The following TTLL5 variants were observed in gnomAD, a reference collection of about 807,000 sequenced individuals.
TTLL5 encodes the protein tubulin polyglutamylase TTLL5.
A neutral mutation model predicts 168.4 loss-of-function variants in TTLL5; 132 were observed. The observed-to-expected ratio is 0.78, with a 90% CI of 0.68 to 0.91. TTLL5 has a LOEUF of 0.91. TTLL5 is among the 40% of genes least tolerant of loss of function. TTLL5 has a pLI of 0.00. For synonymous variants in TTLL5, 546 were observed against 558.6 expected (o/e 0.98, Z 0.32); for missense variants, 1,545 against 1,581.5 (o/e 0.98, Z 0.39).
In TTLL5 at chr14:75,914,017, GAAA is replaced by G. The variant is rs1201862659; in HGVS notation, c.3823+11808_3823+11810del. On this transcript the variant is annotated intron_variant, in intron 31 of 31. Transcript: ENST00000298832. Reference sequence around the variant, plus strand: ...GCGACAGAGGAAGACTGTTTAAAAGGAAAAAAAAAAAAAAAAATATATATATAT... The same window carrying G: ...GCGACAGAGGAAGACTGTTTAAAAGGAAAAAAAAAAAAAATATATATATAT... Among the ~76,000 whole-genome samples the G allele has an allele frequency of 2.0e-3, 61 of 31,064 alleles. 3 individuals carry two copies. The highest frequency in any genetic ancestry group is 7.5e-3 in the African/African-American group (32 of 4,270). The allele number at this position is 31,064 out of a possible 152,430, so 20.4% of individuals were successfully genotyped here.
intron 9 of TTLL5, chr14:75,709,056 A>C: frequency 3.1e-6 from 2 of 647,000 alleles, no homozygotes; most frequent in Non-Finnish European, 5.6e-6. Flanking sequence ...GGCTGTATGC[A>C]GCCTGTGGGC....
chr14:75,819,590 C>G (rs983017301), intron 27 of TTLL5, among the ~76,000 whole-genome samples: 1 of 152,048 alleles, frequency 6.6e-6, no homozygotes, highest in African/African-American at 2.4e-5. Context: ...TCAGTGGATT[C>G]TTTGTGTATT....
chr14:75,812,554 A>G (rs1894114929), intron 27 of TTLL5, among the ~76,000 whole-genome samples: 1 of 152,216 alleles, frequency 6.6e-6, no homozygotes, highest in African/African-American at 2.4e-5. Flanking sequence ...ACTCTTTTTA[A>G]TGTTTGAGCA....
At chr14:75,938,430 C>G (rs1186355029) in intron 31 of TTLL5, among the ~76,000 whole-genome samples, 1 of 152,192 alleles carries the variant, frequency 6.6e-6, no homozygotes, top group Admixed American at 6.5e-5. Flanking sequence ...TTCAGAAACT[C>G]GGAGTCCCAG....
At chr14:75,788,271 A>G (rs1391765380) in intron 26 of TTLL5, among the ~76,000 whole-genome samples, 1 of 152,166 alleles carries the variant, frequency 6.6e-6, no homozygotes, top group Non-Finnish European at 1.5e-5. Context: ...AAATATAAAG[A>G]TAAGAGCAAT....
intron 18 of TTLL5, among the ~76,000 whole-genome samples, chr14:75,753,185 C>G (rs757186391): frequency 7.9e-5 from 12 of 152,118 alleles, no homozygotes; most frequent in Non-Finnish European, 1.3e-4. Context: ...GATCTTTGAG[C>G]AATTTTAACA....
chr14:75,735,207 A>C lies in TTLL5; in HGVS notation c.1199A>C (p.Gln400Pro). The C allele has an allele frequency of 6.2e-7, 1 of 1,614,204 alleles. No individual in the cohort carries two copies. The highest frequency in any genetic ancestry group is 8.5e-7 in the Non-Finnish European group (1 of 1,179,984). The change falls in exon 15 of 32, where the codon CAA becomes CCA. Residue 400 changes from glutamine (Q) to proline (P), a missense_variant. Gln to Pro is a moderately conservative substitution (Grantham distance 76). Coordinates refer to ENST00000298832, the MANE Select transcript of TTLL5 (RefSeq NM_015072.5). ...DMFTVVGFVC[Q>P]DPAQRASTRP... ...ATTCCCCATTCAGGATTTGTGTGCC[A>C]AGATCCTGCCCAGCGGGCATCAACT...
rs997954181 is a variant in TTLL5, at chr14:75,752,021, G to A, written c.1488-872G>A. On this transcript the variant is annotated intron_variant, in intron 17 of 31. Transcript: ENST00000298832. ...TAGGGTAACTTCTTGACATTGCCAT[G>A]GCATTTGTAAACTGTCGTGGTGCTG... Among the ~76,000 whole-genome samples, 3 of 152,272 alleles carry A rather than the reference G, an allele frequency of 2.0e-5. No homozygotes were observed. In the East Asian group the frequency reaches 5.8e-4, roughly 29 times the overall value.
chr14:75,689,154 T>C (rs1356338932), intron 5 of TTLL5, among the ~76,000 whole-genome samples: 1 of 152,188 alleles, frequency 6.6e-6, no homozygotes, highest in African/African-American at 2.4e-5. Flanking sequence ...CTTGGCCTTA[T>C]GAAAAAGTTC....
At chr14:75,664,191 T>C (rs1007485130) in intron 2 of TTLL5, among the ~76,000 whole-genome samples, 3 of 152,216 alleles carry the variant, frequency 2.0e-5, no homozygotes, top group African/African-American at 7.2e-5. Context: ...GGTGTTATTA[T>C]TTTCACTTTT....
chr14:75,712,592 ACT>A (rs1436042537), intron 9 of TTLL5: 1 of 151,488 alleles, frequency 6.6e-6, no homozygotes, highest in African/African-American at 2.4e-5. Flanking sequence ...GATCCCACTA[ACT>A]CTCTGCTTTC....
At chr14:75,947,205 A>G (rs908572359) in intron 31 of TTLL5, among the ~76,000 whole-genome samples, 4 of 152,210 alleles carry the variant, frequency 2.6e-5, no homozygotes, top group African/African-American at 9.6e-5. Context: ...AAATAGTTAT[A>G]TTGTCAGCCT....
intron 18 of TTLL5, among the ~76,000 whole-genome samples, chr14:75,762,173 A>T (rs1330071014): frequency 3.9e-5 from 6 of 152,064 alleles, no homozygotes; most frequent in Admixed American, 3.9e-4. Context: ...AGGCGGGTGG[A>T]TCACGAGGTC....
intron 31 of TTLL5, among the ~76,000 whole-genome samples, chr14:75,917,271 G>A (rs1231921859): frequency 3.3e-5 from 5 of 152,262 alleles, no homozygotes; most frequent in East Asian, 1.9e-4. Flanking sequence ...TTGTTTTCTC[G>A]ATTTTGCATT....
intron 28 of TTLL5, among the ~76,000 whole-genome samples, chr14:75,858,180 G>A (rs993182969): frequency 6.6e-6 from 1 of 152,158 alleles, no homozygotes; most frequent in Non-Finnish European, 1.5e-5. Flanking sequence ...TTTCATAGTG[G>A]TACTGAGACA....
intron 9 of TTLL5, chr14:75,709,194 G>C (rs1886871622): frequency 2.6e-6 from 2 of 762,004 alleles, no homozygotes. Context: ...GCAATTGGAA[G>C]ATGGGAAATA....
At chr14:75,884,208 C>T (rs1399951226) in intron 30 of TTLL5, among the ~76,000 whole-genome samples, 1 of 152,206 alleles carries the variant, frequency 6.6e-6, no homozygotes, top group East Asian at 1.9e-4. Context: ...ACCACACTCT[C>T]CTTCACAGAT....
chr14:75,764,315 G>C (rs1321241402), intron 18 of TTLL5, among the ~76,000 whole-genome samples: 1 of 152,196 alleles, frequency 6.6e-6, no homozygotes, highest in Non-Finnish European at 1.5e-5. Context: ...TAAGGTATAA[G>C]GTGTTGGGTG....
At chr14:75,669,064 G>A (rs1026982020) in intron 2 of TTLL5, among the ~76,000 whole-genome samples, 4 of 152,164 alleles carry the variant, frequency 2.6e-5, no homozygotes, top group African/African-American at 9.7e-5. Context: ...GCTATCATCT[G>A]TAGCCATTAT....
Sources: allele counts gnomAD v4.1 joint callset (sites outside exome capture counted in the v4.1 genomes callset), GRCh38; gene constraint gnomAD v4.1.1; transcripts MANE v1.5; gene names NCBI Gene and HGNC (gene_info 2026-07-23, HGNC 2026-07-21).